DOK6: variants seen among roughly 807,000 people sequenced by gnomAD.
DOK6 encodes the protein downstream of tyrosine kinase 6.
A neutral mutation model predicts 44.0 loss-of-function variants in DOK6; 22 were observed. That is an observed-to-expected ratio of 0.50 (90% CI 0.36 to 0.71). The LOEUF is 0.71. Among genes scored for constraint, DOK6 ranks in the 30% least tolerant of loss-of-function variants. The pLI is 0.00. For missense variants in DOK6, 340 were observed against 416.4 expected (o/e 0.82, Z 1.60); for synonymous variants, 166 against 145.5 (o/e 1.14, Z -1.01).
At chr18:69,417,640 C>T (rs1006489061) in intron 1 of DOK6, among the ~76,000 whole-genome samples, 1 of 152,086 alleles carries the variant, frequency 6.6e-6, no homozygotes, top group East Asian at 1.9e-4. Flanking sequence ...AACCTCCATA[C>T]TGTATTTTAG....
At chr18:69,664,434 G>A (rs1785308037) in intron 3 of DOK6, among the ~76,000 whole-genome samples, 1 of 152,126 alleles carries the variant, frequency 6.6e-6, no homozygotes, top group Admixed American at 6.5e-5. Flanking sequence ...CAAATTATCA[G>A]AATAATTATA....
chr18:69,797,843 A>G (rs1980793500), intron 7 of DOK6, among the ~76,000 whole-genome samples: 1 of 152,042 alleles, frequency 6.6e-6, no homozygotes, highest in African/African-American at 2.4e-5. Flanking sequence ...GTAGTGCACT[A>G]AAAAAAGTGA....
chr18:69,676,262 A>G (rs79370124), intron 3 of DOK6, among the ~76,000 whole-genome samples: 5,495 of 152,338 alleles, frequency 0.036, 150 homozygotes, highest in Non-Finnish European at 0.059. Flanking sequence ...GGGGAACTGC[A>G]TGTTCTTTCT....
chr18:69,707,220 T>C (rs896328348), intron 5 of DOK6, among the ~76,000 whole-genome samples: 1 of 152,204 alleles, frequency 6.6e-6, no homozygotes, highest in Non-Finnish European at 1.5e-5. Context: ...TCCATGCTCA[T>C]GGGTAGGAAG....
intron 5 of DOK6, among the ~76,000 whole-genome samples, chr18:69,708,812 T>G (rs1986695134): frequency 6.7e-6 from 1 of 148,404 alleles, no homozygotes; most frequent in South Asian, 2.1e-4. Flanking sequence ...AAAAGTGCTT[T>G]GAAACAAGGG....
At chr18:69,442,249 G>T (rs903350378) in intron 1 of DOK6, among the ~76,000 whole-genome samples, 1 of 152,036 alleles carries the variant, frequency 6.6e-6, no homozygotes, top group Admixed American at 6.6e-5. Flanking sequence ...GATCTTCAAA[G>T]ACTCTTAATA....
chr18:69,644,735 A>C (rs900263879), intron 3 of DOK6, among the ~76,000 whole-genome samples: 8 of 152,188 alleles, frequency 5.3e-5, no homozygotes, highest in Non-Finnish European at 2.9e-5. Flanking sequence ...TAGCTATTCA[A>C]GACCTGCTGA....
At chr18:69,829,506 T>C (rs1981842339) in intron 7 of DOK6, among the ~76,000 whole-genome samples, 1 of 152,062 alleles carries the variant, frequency 6.6e-6, no homozygotes, top group Non-Finnish European at 1.5e-5. Context: ...GTAGTGGAGC[T>C]GGAAGTCAAA....
intron 3 of DOK6, among the ~76,000 whole-genome samples, chr18:69,649,795 G>A (rs1467720282): frequency 6.6e-6 from 1 of 152,126 alleles, no homozygotes; most frequent in East Asian, 1.9e-4. Context: ...TTTGAGAAAT[G>A]TGCAAGACCT....
intron 6 of DOK6, among the ~76,000 whole-genome samples, chr18:69,749,182 T>C (rs1214766072): frequency 6.6e-6 from 1 of 151,940 alleles, no homozygotes; most frequent in African/African-American, 2.4e-5. Context: ...AGGGAGACCA[T>C]TAGGAAAAAT....
intron 7 of DOK6, among the ~76,000 whole-genome samples, chr18:69,782,266 C>T (rs1392781825): frequency 6.9e-6 from 1 of 144,942 alleles, no homozygotes; most frequent in African/African-American, 2.6e-5. Flanking sequence ...GGCTGGAGTG[C>T]AGCGGCGAGA....
rs1296911162 is a variant in DOK6, at chr18:69,625,225, C to A, written c.289+25727C>A. ...TTAGTGTCAAGACCAAATTAAAATTCATTTAAGGTGATAAGTTGGAGTTGT... is the reference window on the plus strand; with the variant it reads ...TTAGTGTCAAGACCAAATTAAAATTAATTTAAGGTGATAAGTTGGAGTTGT... On this transcript the variant is annotated intron_variant, in intron 3 of 7. Transcript: ENST00000382713. 2.0e-5 allele frequency among the ~76,000 whole-genome samples: 3 copies of A among 152,090 alleles called. No homozygotes were observed. The East Asian group carries it at 5.8e-4, about 29-fold the overall frequency.
intron 4 of DOK6, among the ~76,000 whole-genome samples, chr18:69,697,649 A>G (rs538940860): frequency 1.3e-5 from 2 of 152,170 alleles, no homozygotes; most frequent in Admixed American, 6.6e-5. Context: ...TATTTAATGC[A>G]TCTAAATGGG....
At chr18:69,401,370 G>T (rs550453237) in intron 1 of DOK6, 60 bp downstream of exon 1, 38 of 399,902 alleles carry the variant, frequency 9.5e-5, no homozygotes, top group South Asian at 7.6e-4. Flanking sequence ...CTGGCTGCCT[G>T]GGGGGGGGGC....
chr18:69,536,979 CATT>C (rs6146369), intron 1 of DOK6, among the ~76,000 whole-genome samples: 1,896 of 144,856 alleles, frequency 0.013, 41 homozygotes, highest in African/African-American at 0.043. Flanking sequence ...GAAGATTTAT[CATT>C]ATTATTATTA....
chr18:69,474,581 G>C (rs1284668421), intron 1 of DOK6, among the ~76,000 whole-genome samples: 2 of 152,058 alleles, frequency 1.3e-5, no homozygotes, highest in African/African-American at 2.4e-5. Context: ...TATTCCAAAG[G>C]CCCATTCATT....
chr18:69,677,735 G>A lies in DOK6; in HGVS notation c.291G>A (p.Glu97=). 1 of 1,613,340 alleles carries A rather than the reference G, an allele frequency of 6.2e-7. No individual in the cohort carries two copies. The highest frequency in any genetic ancestry group is 8.5e-7 in the Non-Finnish European group (1 of 1,179,498). The change falls in exon 4 of 8, where the codon GAG becomes GAA. Residue 97 remains glutamate (E), a splice_region_variant and synonymous_variant. Coordinates refer to ENST00000382713, the MANE Select transcript of DOK6 (RefSeq NM_152721.6). ...TGGTGATGTTGTGGTTACTTTCAGA[G>A]CTGGAGGCCGAGGAGTGGTGCAAGC... ...ETSKTFACES[E]LEAEEWCKHL... is the part of the protein sequence containing the mutation.
chr18:69,646,790 T>C (rs1389028009), intron 3 of DOK6, among the ~76,000 whole-genome samples: 1 of 152,178 alleles, frequency 6.6e-6, no homozygotes, highest in East Asian at 1.9e-4. Context: ...AGACTCTTCC[T>C]TTTGATTCCC....
At chr18:69,714,663 C>T (rs1165460671) in intron 5 of DOK6, among the ~76,000 whole-genome samples, 3 of 151,916 alleles carry the variant, frequency 2.0e-5, no homozygotes, top group East Asian at 1.9e-4. Flanking sequence ...AACTAATAAA[C>T]GTTGCAAAGA....
Sources: gnomAD v4.1 joint callset for allele counts (sites outside exome capture counted in the v4.1 genomes callset) on GRCh38, gnomAD v4.1.1 for gene constraint, MANE v1.5 for transcripts, NCBI Gene and HGNC (gene_info 2026-07-23, HGNC 2026-07-21) for gene names.